Variants in VEZT observed in about 807,000 individuals in gnomAD.
The protein encoded by VEZT is vezatin.
VEZT carries 39 observed loss-of-function variants against 79.9 expected under a neutral mutation model. That is an observed-to-expected ratio of 0.49 (90% CI 0.38 to 0.64). VEZT has a LOEUF of 0.64. Among genes scored for constraint, VEZT ranks in the 30% least tolerant of loss-of-function variants. The probability of loss-of-function intolerance (pLI) is 0.00; values close to 1 mark genes in which losing one functional copy is unlikely to be tolerated. For synonymous variants in VEZT, 325 were observed against 327.6 expected (o/e 0.99, Z 0.09); for missense variants, 837 against 893.1 (o/e 0.94, Z 0.80).
intron 1 of VEZT, among the ~76,000 whole-genome samples, chr12:95,224,806 AGGGACTTGTTTCGTGGAAGACAGTTTT>A (rs2058172286): frequency 6.6e-6 from 1 of 152,238 alleles, no homozygotes; most frequent in Non-Finnish European, 1.5e-5. Context: ...TTTTGGCACC[AGGGACTTGTTTCGTGGAAGACAGTTTT>A]TCCAGATGGA....
intron 8 of VEZT, among the ~76,000 whole-genome samples, chr12:95,285,982 CTTTTTTTTTT>C (rs869030351): frequency 2.3e-5 from 2 of 85,832 alleles, no homozygotes; most frequent in African/African-American, 4.1e-5. Context: ...CCGACCCCTT[CTTTTTTTTTT>C]TTTTTTTTTT....
chr12:95,227,840 T>A (rs2058711042), intron 1 of VEZT, among the ~76,000 whole-genome samples: 1 of 152,198 alleles, frequency 6.6e-6, no homozygotes, highest in Non-Finnish European at 1.5e-5. Context: ...AAATAAGACT[T>A]TTTAAATCTG....
At chr12:95,250,556 G>T (rs1265238646) in intron 1 of VEZT, among the ~76,000 whole-genome samples, 1 of 151,894 alleles carries the variant, frequency 6.6e-6, no homozygotes, top group Non-Finnish European at 1.5e-5. Context: ...GCCTGCCTCA[G>T]CCTCCCAAAG....
intron 5 of VEZT, 42 bp from the exon 6 acceptor site, chr12:95,270,009 G>A: frequency 6.3e-7 from 1 of 1,590,720 alleles, no homozygotes; most frequent in Non-Finnish European, 8.6e-7. Flanking sequence ...TAGGACACCT[G>A]TACAGTTGTA....
chr12:95,263,090 C>T lies in VEZT; in HGVS notation c.434+9C>T. The T allele has an allele frequency of 6.3e-7, 1 of 1,577,618 alleles. No homozygotes were observed. Among genetic ancestry groups the T allele is most frequent in the Admixed American group, 1.7e-5 (1 of 57,980 alleles). ...GCAACCCCTAATATTTGGTACTGTC[C>T]AGAAAACACCTATTCTTTGACTGCT... On this transcript the variant is annotated intron_variant, in intron 4 of 11. Transcript: ENST00000436874.
intron 1 of VEZT, among the ~76,000 whole-genome samples, chr12:95,246,543 C>A (rs898075147): frequency 6.6e-6 from 1 of 152,166 alleles, no homozygotes; most frequent in Non-Finnish European, 1.5e-5. Flanking sequence ...TGGGATTTTC[C>A]TGTCTATTTT....
At chr12:95,283,849 G>C (rs1270519357) in intron 8 of VEZT, among the ~76,000 whole-genome samples, 1 of 152,194 alleles carries the variant, frequency 6.6e-6, no homozygotes, top group Non-Finnish European at 1.5e-5. Flanking sequence ...TCTTAGCCCT[G>C]CCTTCTACAG....
At chr12:95,242,073 C>A (rs968914051) in intron 1 of VEZT, 1 of 152,182 alleles carries the variant, frequency 6.6e-6, no homozygotes, top group Admixed American at 6.5e-5. Context: ...GTACAAGTTA[C>A]ACTAGTTGAT....
intron 3 of VEZT, among the ~76,000 whole-genome samples, chr12:95,258,718 AGTGGT>A (rs2063865307): frequency 6.6e-6 from 1 of 152,182 alleles, no homozygotes; most frequent in African/African-American, 2.4e-5. Context: ...CATGATGGGT[AGTGGT>A]AATGGCACTT....
chr12:95,265,061 G>A (rs1456487068), intron 4 of VEZT, among the ~76,000 whole-genome samples: 2 of 151,416 alleles, frequency 1.3e-5, no homozygotes, highest in African/African-American at 2.4e-5. Context: ...GGGTCCTACT[G>A]TGTTGCCCAG....
intron 1 of VEZT, among the ~76,000 whole-genome samples, chr12:95,236,134 T>C (rs991922440): frequency 2.0e-5 from 3 of 152,084 alleles, no homozygotes; most frequent in Non-Finnish European, 2.9e-5. Context: ...CTGGGCACCA[T>C]TGAGCACTGA....
rs1594319776 is a variant in VEZT, at chr12:95,300,665, G to C, written c.2332G>C (p.Glu778Gln). The change falls in exon 12 of 12, where the codon GAA (glutamate) becomes CAA (glutamine). Residue 778 changes from glutamate to glutamine, a missense_variant. By Grantham distance (29) the Glu-to-Gln change is conservative (BLOSUM62 2). Transcript: ENST00000436874. ...AGAAGAAAATAAAAATGAGATAGAA[G>C]AAAAGTAAGAACCAAGATTCATATG... The part of the protein sequence containing the change: ...IIEENKNEIE[E>Q]K 6.3e-7 allele frequency: 1 copy of C among 1,579,372 alleles called. No homozygotes were observed. Among genetic ancestry groups the C allele is most frequent in the East Asian group, 2.3e-5 (1 of 44,356 alleles).
At chr12:95,229,405 G>A (rs2058937961) in intron 1 of VEZT, among the ~76,000 whole-genome samples, 1 of 152,126 alleles carries the variant, frequency 6.6e-6, no homozygotes, top group African/African-American at 2.4e-5. Context: ...AGGACCAGAC[G>A]AGGAGTCAAG....
At chr12:95,281,610 A>G (rs1210378131) in intron 7 of VEZT, among the ~76,000 whole-genome samples, 1 of 149,400 alleles carries the variant, frequency 6.7e-6, no homozygotes, top group African/African-American at 2.5e-5. Context: ...CAGTGGCGCC[A>G]TCTCAGCTCA....
At chr12:95,269,819 A>G in intron 5 of VEZT, 1 of 367,312 alleles carries the variant, frequency 2.7e-6, no homozygotes, top group Admixed American at 4.4e-5. Flanking sequence ...TGAGATGTTA[A>G]TTTTTTGTCT....
At chr12:95,268,207 T>C (rs959155549) in intron 5 of VEZT, among the ~76,000 whole-genome samples, 1 of 150,822 alleles carries the variant, frequency 6.6e-6, no homozygotes, top group South Asian at 2.1e-4. Flanking sequence ...AAATAAGTAA[T>C]ATTTCCGGCC....
At chr12:95,239,982 G>GAGAGAGA (rs1555246324) in intron 1 of VEZT, among the ~76,000 whole-genome samples, 1 of 131,670 alleles carries the variant, frequency 7.6e-6, no homozygotes, top group African/African-American at 2.8e-5. Context: ...GAGAGAGAGA[G>GAGAGAGA]GAGAGAGAGA....
At chr12:95,218,143 G>C (rs1216933249) in intron 1 of VEZT, 4 of 354,934 alleles carry the variant, frequency 1.1e-5, no homozygotes, top group African/African-American at 6.4e-5. Flanking sequence ...CAGGCTCTGG[G>C]CTGGAGCGGT....
intron 1 of VEZT, among the ~76,000 whole-genome samples, chr12:95,240,488 G>A (rs977319417): frequency 2.0e-5 from 3 of 152,048 alleles, no homozygotes; most frequent in Admixed American, 6.6e-5. Flanking sequence ...GGAGTAAAAC[G>A]ATGTTATATA....
Sources: gnomAD v4.1 joint callset for allele counts (sites outside exome capture counted in the v4.1 genomes callset) on GRCh38, gnomAD v4.1.1 for gene constraint, MANE v1.5 for transcripts, NCBI Gene and HGNC (gene_info 2026-07-23, HGNC 2026-07-21) for gene names.